Variants in MDN1 observed in about 807,000 individuals in gnomAD.
MDN1 encodes the protein midasin.
In MDN1, 266 loss-of-function variants were observed where a neutral mutation model predicts 669.2. The observed-to-expected ratio is 0.40, with a 90% CI of 0.36 to 0.44. The LOEUF is 0.44. MDN1 is among the 20% of genes least tolerant of loss of function. The pLI, the probability that MDN1 is intolerant of heterozygous loss-of-function variation, is 1.00. For missense variants in MDN1, 5,940 were observed against 6,754.0 expected (o/e 0.88, Z 4.22); for synonymous variants, 2,385 against 2,457.1 (o/e 0.97, Z 0.87).
In MDN1 at chr6:89,710,592, A is replaced by C. The variant is rs550933223; in HGVS notation, c.7765+89T>G. ...TCTTCTAAAAAATACCGTTATGTTGAGACCTCTAACAGGTCAGATCTTTTC... is the reference window on the plus strand; with the variant it reads ...TCTTCTAAAAAATACCGTTATGTTGCGACCTCTAACAGGTCAGATCTTTTC... On this transcript the variant is annotated intron_variant, in intron 50 of 101. Transcript: ENST00000369393. The C allele has an allele frequency of 1.1e-4, 70 of 630,016 alleles. 1 individual carries two copies. In the East Asian group the frequency reaches 2.3e-3, roughly 21 times the overall value. The allele number at this position is 630,016 out of a possible 1,614,324, so 39.0% of individuals were successfully genotyped here. A position where few individuals can be genotyped will look rare whatever the true frequency, so the allele number is the denominator to read the frequency against.
intron 34 of MDN1, among the ~76,000 whole-genome samples, chr6:89,732,210 T>C (rs1041730642): frequency 1.5e-4 from 23 of 151,732 alleles, no homozygotes; most frequent in African/African-American, 5.6e-4. Flanking sequence ...TCAATTTCTT[T>C]ACAATTTTAA....
chr6:89,673,163 C>A, intron 80 of MDN1, 73 bp downstream of exon 80: 9 of 1,303,050 alleles, frequency 6.9e-6, no homozygotes, highest in Non-Finnish European at 8.8e-6. Context: ...GTCTTTTGGA[C>A]AATGAGACTT....
At chr6:89,711,108 T>G (rs1345129447) in intron 49 of MDN1, among the ~76,000 whole-genome samples, 1 of 152,236 alleles carries the variant, frequency 6.6e-6, no homozygotes, top group Non-Finnish European at 1.5e-5. Flanking sequence ...TAAACATCCA[T>G]GGGCTTATTG....
At position 89,687,260 on chromosome 6, in the gene MDN1, A is replaced by G. The variant is rs1036939969; in HGVS notation, c.11450+84T>C. On this transcript the variant is annotated intron_variant, in intron 68 of 101. Coordinates refer to ENST00000369393, the MANE Select transcript of MDN1 (RefSeq NM_014611.3). ...AAGCACATTCTGTAGCTGTAATACT[A>G]TATAAATCCTAAAGAAATTTAAACT... The G allele has an allele frequency of 4.5e-6, 6 of 1,322,498 alleles. No individual in the cohort carries two copies. The African/African-American group carries it at 7.4e-5, about 16-fold the overall frequency. The allele number at this position is 1,322,498 out of a possible 1,614,324, so 81.9% of individuals were successfully genotyped here.
rs551388950 is a variant in MDN1, at chr6:89,787,581, C to A, written c.1334+273G>T. 2.2e-4 allele frequency among the ~76,000 whole-genome samples: 34 copies of A among 152,018 alleles called. No individual in the cohort carries two copies. In the South Asian group the frequency reaches 7.1e-3, roughly 32 times the overall value. Reference sequence around the variant, plus strand: ...AGGACTCAAACCCTGGGCTATCTAACAATAACCTCACCTCTGATTATTTTT... The same window carrying A: ...AGGACTCAAACCCTGGGCTATCTAAAAATAACCTCACCTCTGATTATTTTT... On this transcript the variant is annotated intron_variant, in intron 8 of 101. Transcript: ENST00000369393.
chr6:89,675,104 C>A (rs1006496818), intron 78 of MDN1, among the ~76,000 whole-genome samples: 1 of 152,214 alleles, frequency 6.6e-6, no homozygotes, highest in Non-Finnish European at 1.5e-5. Context: ...GACCATCTCA[C>A]CCTAATACCA....
chr6:89,763,109 C>A (rs1421799191), intron 15 of MDN1, among the ~76,000 whole-genome samples: 2 of 151,976 alleles, frequency 1.3e-5, no homozygotes, highest in Non-Finnish European at 2.9e-5. Flanking sequence ...AAATTCACAT[C>A]ATTTATTTTA....
At position 89,688,728 on chromosome 6, in the gene MDN1, G is replaced by A. The variant is rs1034601136; in HGVS notation, c.11104C>T (p.Pro3702Ser). The change falls in exon 66 of 102, where the codon CCC (proline) becomes TCC (serine). Residue 3702 changes from proline (P) to serine (S), a missense_variant. Physicochemically the swap from Pro to Ser is moderately conservative, Grantham distance 74. This residue lies in a region of MDN1 where 2,280 missense variants were observed against 2,576.3 expected (regional missense o/e 0.88). Coordinates refer to ENST00000369393, the MANE Select transcript of MDN1 (RefSeq NM_014611.3). ...LSHNTLFGEA[P>S]SDLMVKPDGP... ...TCAGGTTTCACCATCAGGTCTGAGG[G>A]TGCCTCCCCAAAAAGAGTGTTATGG... 2 of 1,614,086 alleles carry A rather than the reference G, an allele frequency of 1.2e-6. No homozygotes were observed. Among genetic ancestry groups the A allele is most frequent in the Non-Finnish European group, 1.7e-6 (2 of 1,180,052 alleles).
Position 89,722,939 on chromosome 6 carries a change from CA to C in MDN1, c.5967+15del. The C allele has an allele frequency of 1.9e-6, 3 of 1,595,282 alleles. No homozygotes were observed. In the South Asian group the frequency reaches 3.4e-5, roughly 18 times the overall value. On this transcript the variant is annotated intron_variant, in intron 40 of 101. Coordinates refer to ENST00000369393, the MANE Select transcript of MDN1 (RefSeq NM_014611.3). ...TTCAGATGGAAAGAAATACAAATAC[CA>C]AGCGTGAAACTCACCTTTTTTTTGT... is the stretch of plus-strand genomic sequence containing the variant.
In MDN1 at chr6:89,643,973, G is replaced by C. The variant is rs371916116; in HGVS notation, c.*32C>G. ...TAAGCAATGTGACCTTCTGACCACA[G>C]TTAAGTCTCACTTTGGACTCTTCTT... On this transcript the variant is annotated 3_prime_UTR_variant, in exon 102 of 102. Transcript: ENST00000369393. 4.6e-5 allele frequency: 72 copies of C among 1,550,562 alleles called. No individual in the cohort carries two copies. The highest frequency in any genetic ancestry group is 5.2e-5 in the Non-Finnish European group (60 of 1,147,090).
At chr6:89,648,813 C>CA (rs61330666) in intron 97 of MDN1, among the ~76,000 whole-genome samples, 101,203 of 122,090 alleles carry the variant, frequency 0.83, 41,502 homozygotes, top group East Asian at 0.95. Flanking sequence ...ACCCTGTCTT[C>CA]AAAAAAAAAA....
Position 89,756,481 on chromosome 6 carries a change from C to T in MDN1, c.2703-91G>A, listed in dbSNP as rs1037931348. 3 of 606,382 alleles carry T rather than the reference C, an allele frequency of 4.9e-6. No homozygotes were observed. In the African/African-American group the frequency reaches 5.7e-5, roughly 11 times the overall value. 37.6% of individuals were successfully genotyped at this position (606,382 alleles called of 1,614,324 possible). On this transcript the variant is annotated intron_variant, in intron 19 of 101. Coordinates refer to ENST00000369393, the MANE Select transcript of MDN1 (RefSeq NM_014611.3). ...CATGAAACAGAAGAAGCTATGTCAG[C>T]TCATTTTAACTGCTTGTAGTATAAA...
intron 67 of MDN1, among the ~76,000 whole-genome samples, chr6:89,687,724 C>G (rs145982576): frequency 2.5e-4 from 38 of 152,282 alleles, no homozygotes; most frequent in African/African-American, 8.9e-4. Context: ...AGACATGCGG[C>G]CCTTTTCTGT....
At position 89,794,948 on chromosome 6, in the gene MDN1, G is replaced by A. The variant is rs888704318; in HGVS notation, c.330-147C>T. ...AGTATCTATATTTTCATTGATTGGT[G>A]GGAATATCATAGAACGCAATTCTCT... On this transcript the variant is annotated intron_variant, in intron 2 of 101. Coordinates refer to ENST00000369393, the MANE Select transcript of MDN1 (RefSeq NM_014611.3). The A allele has an allele frequency of 2.1e-5, 15 of 711,338 alleles. No homozygotes were observed. The African/African-American group carries it at 2.1e-4, about 10-fold the overall frequency. The allele number at this position is 711,338 out of a possible 1,614,324, so 44.1% of individuals were successfully genotyped here. A position where few individuals can be genotyped will look rare whatever the true frequency, so the allele number is the denominator to read the frequency against.
chr6:89,683,022 A>G (rs1184917972), intron 73 of MDN1, 110 bp downstream of exon 73: 3 of 1,121,240 alleles, frequency 2.7e-6, no homozygotes, highest in East Asian at 4.9e-5. Context: ...CCAAAGAACA[A>G]GATTTCAAAG....
chr6:89,790,207 C>CT lies in MDN1; in HGVS notation c.1049dup (p.Pro351AlafsTer14). 1 of 1,614,136 alleles carries CT rather than the reference C, an allele frequency of 6.2e-7. No homozygotes were observed. The highest frequency in any genetic ancestry group is 8.5e-7 in the Non-Finnish European group (1 of 1,180,022). Reference sequence around the variant, plus strand: ...GCTGGACTTTGAGAAGCTGAGGAGGCTTTGTTCTACCTGTCACTGCAGCTA... The same window carrying CT: ...GCTGGACTTTGAGAAGCTGAGGAGGCTTTTGTTCTACCTGTCACTGCAGCTA... On this transcript the variant is annotated frameshift_variant, in exon 6 of 102. Coordinates refer to ENST00000369393, the MANE Select transcript of MDN1 (RefSeq NM_014611.3). LOFTEE classifies it high-confidence loss of function.
rs1814981387 is a variant in MDN1, at chr6:89,723,496, A to G, written c.5778+16T>C. On this transcript the variant is annotated intron_variant, in intron 39 of 101. Transcript: ENST00000369393. ...CAGCCAGAAAAAAAAAGAAACCAAT[A>G]CGTGTAGGTACTTACTTGGTTATTG... 1 of 1,397,542 alleles carries G rather than the reference A, an allele frequency of 7.2e-7. No homozygotes were observed. The highest frequency in any genetic ancestry group is 1.5e-5 in the African/African-American group (1 of 68,514). 86.6% of individuals were successfully genotyped at this position (1,397,542 alleles called of 1,614,324 possible). A position where few individuals can be genotyped will look rare whatever the true frequency, so the allele number is the denominator to read the frequency against.
Position 89,756,267 on chromosome 6 carries a change from G to C in MDN1, c.2816+10C>G. 2 of 1,391,374 alleles carry C rather than the reference G, an allele frequency of 1.4e-6. No homozygotes were observed. The highest frequency in any genetic ancestry group is 2.0e-6 in the Non-Finnish European group (2 of 1,010,592). The allele number at this position is 1,391,374 out of a possible 1,614,324, so 86.2% of individuals were successfully genotyped here. On this transcript the variant is annotated intron_variant, in intron 20 of 101. Coordinates refer to ENST00000369393, the MANE Select transcript of MDN1 (RefSeq NM_014611.3). ...AAAGAGCTTATAAAGACATACAAAA[G>C]GGAACCTACTTTATGATTCCTTGCA... is the stretch of plus-strand genomic sequence containing the variant.
chr6:89,749,277 A>G lies in MDN1; in HGVS notation c.3708T>C (p.Cys1236=). The G allele has an allele frequency of 1.9e-6, 3 of 1,614,150 alleles. No individual in the cohort carries two copies. The change falls in exon 26 of 102, where the codon TGT becomes TGC. Residue 1236 remains cysteine, a synonymous_variant. Transcript: ENST00000369393. ...SELETILHKR[C]SLPPSYCSKL... ...TGCTGCAATAGGAGGGTGGCAAACT[A>G]CACCGCTTGTGCAAGATTGTTTCCA... is the stretch of plus-strand genomic sequence containing the variant.
Sources: allele counts gnomAD v4.1 joint callset (sites outside exome capture counted in the v4.1 genomes callset), GRCh38; gene constraint gnomAD v4.1.1; regional missense constraint gnomAD v4.1.1; transcripts MANE v1.5; gene names NCBI Gene and HGNC (gene_info 2026-07-23, HGNC 2026-07-21).